The following CACNA1C variants were observed in gnomAD, a reference collection of about 807,000 sequenced individuals.
CACNA1C encodes voltage-dependent L-type calcium channel subunit alpha-1C.
A neutral mutation model predicts 229.0 loss-of-function variants in CACNA1C; 30 were observed. The ratio of observed to expected loss-of-function variants is 0.13; its 90% CI spans 0.10 to 0.18. The LOEUF (loss-of-function observed/expected upper bound fraction) is 0.18. CACNA1C is among the 10% of genes least tolerant of loss of function. The pLI is 1.00. For synonymous variants in CACNA1C, 1,114 were observed against 1,132.5 expected (o/e 0.98, Z 0.33); for missense variants, 1,658 against 2,845.0 (o/e 0.58, Z 9.49).
At position 2,066,610 on chromosome 12, in the gene CACNA1C, G is replaced by A. The variant is rs531519520; in HGVS notation, c.49+12999G>A. Among the ~76,000 whole-genome samples the A allele has an allele frequency of 2.6e-5, 4 of 152,288 alleles. No individual in the cohort carries two copies. In the South Asian group the frequency reaches 6.2e-4, roughly 24 times the overall value. ...GAGGCGTGGTGGTTGTGAAGCAGGGGCAGCACATGGGGACCACTCTTTCAA... is the reference window on the plus strand; with the variant it reads ...GAGGCGTGGTGGTTGTGAAGCAGGGACAGCACATGGGGACCACTCTTTCAA... On this transcript the variant is annotated intron_variant, in intron 1 of 46. Coordinates refer to ENST00000399655, the MANE Select transcript of CACNA1C (RefSeq NM_000719.7).
intron 9 of CACNA1C, among the ~76,000 whole-genome samples, chr12:2,541,682 T>A (rs1400456690): frequency 6.6e-6 from 1 of 152,200 alleles, no homozygotes; most frequent in African/African-American, 2.4e-5. Flanking sequence ...TGGCCTTGGA[T>A]AACGAGCTAC....
intron 9 of CACNA1C, chr12:2,547,452 G>C (rs2099883533): frequency 1.3e-6 from 1 of 779,704 alleles, no homozygotes; most frequent in Non-Finnish European, 2.4e-6. Flanking sequence ...TGTGAAAGGA[G>C]GCACTCCGGC....
Position 2,584,411 on chromosome 12 carries a change from G to A in CACNA1C, c.2225-92G>A, listed in dbSNP as rs1011805526. 10 of 829,130 alleles carry A rather than the reference G, an allele frequency of 1.2e-5. No individual in the cohort carries two copies. The Admixed American group carries it at 1.3e-4, about 11-fold the overall frequency. The allele number at this position is 829,130 out of a possible 1,614,324, so 51.4% of individuals were successfully genotyped here. On this transcript the variant is annotated intron_variant, in intron 15 of 46. Coordinates refer to ENST00000399655, the MANE Select transcript of CACNA1C (RefSeq NM_000719.7). ...CCCCTCAAGCTCTCTCTGCTGAGGA[G>A]CTCTACCCTGCACGCCCCACATCCC...
intron 7 of CACNA1C, among the ~76,000 whole-genome samples, chr12:2,495,780 T>TTG (rs1221942926): frequency 2.6e-5 from 4 of 152,150 alleles, no homozygotes; most frequent in Admixed American, 6.5e-5. Flanking sequence ...AATGGCCATG[T>TTG]TGTGTGTGTG....
chr12:2,574,659 A>C lies in CACNA1C; in HGVS notation c.1895+6865A>C, dbSNP rs139094582. Among the ~76,000 whole-genome samples the C allele has an allele frequency of 7.1e-3, 1,088 of 152,270 alleles. 13 individuals carry two copies. Among genetic ancestry groups the C allele is most frequent in the African/African-American group, 0.025 (1,023 of 41,558 alleles). ...CATCTCCCAGGCTCGAAATGTCTCC[A>C]TGTCCCTACCAGCATCTGGCCTTGA... On this transcript the variant is annotated intron_variant, in intron 13 of 46. Coordinates refer to ENST00000399655, the MANE Select transcript of CACNA1C (RefSeq NM_000719.7).
intron 3 of CACNA1C, among the ~76,000 whole-genome samples, chr12:2,266,439 CT>C (rs1285812272): frequency 6.6e-6 from 1 of 152,244 alleles, no homozygotes; most frequent in Non-Finnish European, 1.5e-5. Context: ...CAGTGACCCT[CT>C]CGTGCTCTAG....
At chr12:2,127,713 G>A (rs1241889730) in intron 3 of CACNA1C, among the ~76,000 whole-genome samples, 1 of 152,180 alleles carries the variant, frequency 6.6e-6, no homozygotes, top group African/African-American at 2.4e-5. Context: ...GGCTGAATGG[G>A]TCTGAGTGGG....
chr12:2,282,807 T>TTAA (rs2091727404), intron 3 of CACNA1C, among the ~76,000 whole-genome samples: 1 of 152,228 alleles, frequency 6.6e-6, no homozygotes, highest in Non-Finnish European at 1.5e-5. Flanking sequence ...AACAGGATAC[T>TTAA]TAAGGACTCT....
chr12:2,247,481 C>A (rs767224846), intron 3 of CACNA1C, among the ~76,000 whole-genome samples: 6 of 152,198 alleles, frequency 3.9e-5, no homozygotes, highest in Non-Finnish European at 8.8e-5. Context: ...ATCGACCATG[C>A]CATTTTGTGA....
Position 2,512,010 on chromosome 12 carries a change from G to T in CACNA1C, c.1218-802G>T, listed in dbSNP as rs921205985. Among the ~76,000 whole-genome samples, 1 of 152,074 alleles carries T rather than the reference G, an allele frequency of 6.6e-6. No individual in the cohort carries two copies. The highest frequency in any genetic ancestry group is 1.5e-5 in the Non-Finnish European group (1 of 68,018). On this transcript the variant is annotated intron_variant, in intron 8 of 46. Coordinates refer to ENST00000399655, the MANE Select transcript of CACNA1C (RefSeq NM_000719.7). The surrounding 1 kb of genome is among the most constrained non-coding windows in gnomAD (Gnocchi z 4.3). ...CCCCCAGGACATTTTCTTGTGTTTG[G>T]AATCTTCATTTGTCTTCATGTGGGA...
chr12:2,457,679 C>G lies in CACNA1C; in HGVS notation c.730C>G (p.Pro244Ala). 6.2e-7 allele frequency: 1 copy of G among 1,601,596 alleles called. No homozygotes were observed. The highest frequency in any genetic ancestry group is 8.5e-7 in the Non-Finnish European group (1 of 1,174,756). The change falls in exon 5 of 47, where the codon CCC becomes GCC. Residue 244 changes from proline (P) to alanine (A), a missense_variant. Physicochemically the swap from Pro to Ala is conservative, Grantham distance 27. This residue lies in a region of CACNA1C where 7 missense variants were observed against 72.4 expected (regional missense o/e 0.10). Transcript: ENST00000399655. ...KALRAFRVLRPLRLVSGVPSL... is the reference protein window; with the variant it reads ...KALRAFRVLRALRLVSGVPSL... ...GCTGAGGGCCTTCCGCGTGCTGCGC[C>G]CCCTGCGGCTGGTGTCCGGAGTCCC...
intron 3 of CACNA1C, among the ~76,000 whole-genome samples, chr12:2,383,636 A>G (rs1243384467): frequency 6.6e-6 from 1 of 152,120 alleles, no homozygotes. Context: ...TAATCATCCT[A>G]AGAAAGGATT....
intron 30 of CACNA1C, among the ~76,000 whole-genome samples, chr12:2,641,106 G>A (rs559194582): frequency 1.3e-5 from 2 of 152,356 alleles, no homozygotes; most frequent in East Asian, 3.9e-4. Flanking sequence ...TAGCTGTGAT[G>A]AGGAAGGAGG....
At chr12:2,466,790 A>G (rs2099554037) in intron 5 of CACNA1C, among the ~76,000 whole-genome samples, 1 of 152,042 alleles carries the variant, frequency 6.6e-6, no homozygotes. Flanking sequence ...AAGGGCCTGG[A>G]CTGGCTGGCC....
intron 9 of CACNA1C, among the ~76,000 whole-genome samples, chr12:2,522,680 G>A (rs1336765298): frequency 6.6e-6 from 1 of 152,178 alleles, no homozygotes; most frequent in African/African-American, 2.4e-5. Flanking sequence ...TAGATTCTGA[G>A]TTTGGATCAT....
chr12:2,547,705 G>A (rs2099884304), intron 9 of CACNA1C, among the ~76,000 whole-genome samples: 1 of 152,188 alleles, frequency 6.6e-6, no homozygotes, highest in African/African-American at 2.4e-5. Context: ...CCCCCTCAAA[G>A]CCACTGCCTT....
chr12:2,180,585 T>A (rs2096805459), intron 3 of CACNA1C, among the ~76,000 whole-genome samples: 1 of 152,220 alleles, frequency 6.6e-6, no homozygotes, highest in South Asian at 2.1e-4. Flanking sequence ...GTGACTACAG[T>A]GGCTCAGTTC....
chr12:2,273,112 C>T (rs1211896284), intron 3 of CACNA1C, among the ~76,000 whole-genome samples: 1 of 152,092 alleles, frequency 6.6e-6, no homozygotes, highest in Non-Finnish European at 1.5e-5. Context: ...ACTCCCCAAC[C>T]CCTTGGATAC....
chr12:2,427,582 T>G (rs184730591), intron 3 of CACNA1C, among the ~76,000 whole-genome samples: 1 of 152,202 alleles, frequency 6.6e-6, no homozygotes, highest in Admixed American at 6.5e-5. Flanking sequence ...GGGCCGAGAA[T>G]GGCTAGCAAT....
Sources: gnomAD v4.1 joint callset for allele counts (sites outside exome capture counted in the v4.1 genomes callset) on GRCh38, gnomAD v4.1.1 for gene constraint, gnomAD v4.1.1 regional missense constraint, Gnocchi (gnomAD v3.1) non-coding constraint, MANE v1.5 for transcripts, NCBI Gene and HGNC (gene_info 2026-07-23, HGNC 2026-07-21) for gene names.